The following PRDM5 variants were observed in gnomAD, a reference collection of about 807,000 sequenced individuals.
PRDM5 encodes PR domain zinc finger protein 5.
In PRDM5, 56 loss-of-function variants were observed where a neutral mutation model predicts 81.2. The observed-to-expected ratio is 0.69, with a 90% CI of 0.56 to 0.86. PRDM5 has a LOEUF of 0.86. PRDM5 is among the 40% of genes least tolerant of loss of function. PRDM5 has a pLI of 0.00. For missense variants in PRDM5, 697 were observed against 770.1 expected (o/e 0.91, Z 1.12); for synonymous variants, 267 against 256.4 (o/e 1.04, Z -0.39).
At chr4:120,720,440 G>A (rs113828660) in intron 14 of PRDM5, among the ~76,000 whole-genome samples, 8 of 152,244 alleles carry the variant, frequency 5.3e-5, no homozygotes, top group Admixed American at 3.3e-4. Flanking sequence ...AACCAAATTC[G>A]CAACAGAATC....
chr4:120,816,469 C>G lies in PRDM5; in HGVS notation c.849G>C (p.Gln283His). The change falls in exon 7 of 16, where the codon CAG (glutamine) becomes CAC (histidine). Residue 283 changes from glutamine (Q) to histidine (H), a missense_variant. Transcript: ENST00000264808. ...LKSKDALKRH[Q>H]ENVHTGDPKK... is the part of the protein sequence containing the mutation. Reference sequence around the variant, plus strand: ...ACTCCTCACCAGTGTGGACATTTTCCTGGTGTCTTTTCAGGGCATCCTTGC... The same window carrying G: ...ACTCCTCACCAGTGTGGACATTTTCGTGGTGTCTTTTCAGGGCATCCTTGC... 4 of 1,614,150 alleles carry G rather than the reference C, an allele frequency of 2.5e-6. No homozygotes were observed. Among genetic ancestry groups the G allele is most frequent in the Non-Finnish European group, 3.4e-6 (4 of 1,180,020 alleles).
intron 14 of PRDM5, among the ~76,000 whole-genome samples, chr4:120,732,565 T>C (rs1168374857): frequency 6.6e-6 from 1 of 151,662 alleles, no homozygotes; most frequent in Non-Finnish European, 1.5e-5. Context: ...ATCTCTGAGG[T>C]TGTTACCTCA....
At chr4:120,776,922 C>A (rs1748232356) in intron 13 of PRDM5, among the ~76,000 whole-genome samples, 1 of 152,110 alleles carries the variant, frequency 6.6e-6, no homozygotes, top group African/African-American at 2.4e-5. Context: ...CCATTAGAAT[C>A]ATATAGATGT....
chr4:120,712,083 T>C (rs573864149), intron 14 of PRDM5, among the ~76,000 whole-genome samples: 45 of 152,128 alleles, frequency 3.0e-4, no homozygotes, highest in Admixed American at 2.7e-3. Flanking sequence ...GTCAGCAGTT[T>C]GAGACCAGCC....
In PRDM5 at chr4:120,695,093, A is replaced by G; in HGVS notation, c.*18T>C. 1 of 1,608,216 alleles carries G rather than the reference A, an allele frequency of 6.2e-7. No individual in the cohort carries two copies. The highest frequency in any genetic ancestry group is 8.5e-7 in the Non-Finnish European group (1 of 1,174,886). ...ATTAGGAGCCCTTCTGAATAGTTTAATTCCTTTACAGCCCCTATTAGCTGT... is the reference window on the plus strand; with the variant it reads ...ATTAGGAGCCCTTCTGAATAGTTTAGTTCCTTTACAGCCCCTATTAGCTGT... On this transcript the variant is annotated 3_prime_UTR_variant, in exon 16 of 16. Transcript: ENST00000264808.
chr4:120,853,614 A>C (rs1561495477), intron 2 of PRDM5, 74 bp from the exon 3 acceptor site: 4 of 1,594,816 alleles, frequency 2.5e-6, no homozygotes, highest in Non-Finnish European at 1.7e-6. Context: ...AGGTTAGGAC[A>C]TGACGTTTTT....
At chr4:120,851,293 G>A (rs952134875) in intron 3 of PRDM5, among the ~76,000 whole-genome samples, 2 of 151,934 alleles carry the variant, frequency 1.3e-5, no homozygotes, top group African/African-American at 4.8e-5. Context: ...TTGGCTTAAG[G>A]TAAATTCATG....
At chr4:120,866,325 A>T (rs1293902912) in intron 2 of PRDM5, among the ~76,000 whole-genome samples, 1 of 152,248 alleles carries the variant, frequency 6.6e-6, no homozygotes, top group East Asian at 1.9e-4. Flanking sequence ...GTCAGATTCC[A>T]TAAGGATGAA....
At chr4:120,703,830 T>G (rs1735728086) in intron 15 of PRDM5, among the ~76,000 whole-genome samples, 1 of 152,048 alleles carries the variant, frequency 6.6e-6, no homozygotes, top group South Asian at 2.1e-4. Flanking sequence ...CTATCCTCCC[T>G]CCCAAGGGCC....
At chr4:120,757,885 CCTT>C (rs1553959876) in intron 13 of PRDM5, among the ~76,000 whole-genome samples, 37 of 151,100 alleles carry the variant, frequency 2.4e-4, no homozygotes, top group South Asian at 1.5e-3. Context: ...CTTCTCTTCT[CCTT>C]CTTCTTCTTC....
At chr4:120,827,454 A>G (rs1391135221) in intron 3 of PRDM5, among the ~76,000 whole-genome samples, 1 of 152,138 alleles carries the variant, frequency 6.6e-6, no homozygotes, top group Admixed American at 6.6e-5. Flanking sequence ...AGGCAGGGGC[A>G]CCAACAAACT....
At chr4:120,703,950 T>A (rs1735747747) in intron 15 of PRDM5, among the ~76,000 whole-genome samples, 1 of 152,060 alleles carries the variant, frequency 6.6e-6, no homozygotes, top group Non-Finnish European at 1.5e-5. Context: ...ACTGTGAAAA[T>A]GTAAGAAAGG....
At chr4:120,786,754 C>A (rs1389381724) in intron 10 of PRDM5, among the ~76,000 whole-genome samples, 1 of 152,130 alleles carries the variant, frequency 6.6e-6, no homozygotes, top group Admixed American at 6.6e-5. Flanking sequence ...AAGCAAAAAT[C>A]TTTGATGACA....
chr4:120,899,794 A>G (rs1765044068), intron 2 of PRDM5, among the ~76,000 whole-genome samples: 1 of 152,186 alleles, frequency 6.6e-6, no homozygotes, highest in Non-Finnish European at 1.5e-5. Flanking sequence ...ACTGTCCTGC[A>G]CCAGGCAGTG....
intron 3 of PRDM5, among the ~76,000 whole-genome samples, chr4:120,824,498 G>C (rs563391455): frequency 3.9e-5 from 6 of 152,216 alleles, no homozygotes; most frequent in African/African-American, 1.4e-4. Flanking sequence ...CAACATCAAG[G>C]CCTGCTCAAA....
chr4:120,789,635 G>A (rs1248300053), intron 10 of PRDM5, among the ~76,000 whole-genome samples: 1 of 152,040 alleles, frequency 6.6e-6, no homozygotes, highest in Non-Finnish European at 1.5e-5. Flanking sequence ...CCATCCCAGT[G>A]GGCCACACAA....
intron 15 of PRDM5, among the ~76,000 whole-genome samples, chr4:120,702,598 G>T (rs1292783698): frequency 6.6e-6 from 1 of 152,178 alleles, no homozygotes; most frequent in East Asian, 1.9e-4. Context: ...ATTAAAGGAA[G>T]AAATAATGGT....
At chr4:120,763,349 G>A (rs549865298) in intron 13 of PRDM5, among the ~76,000 whole-genome samples, 5 of 152,276 alleles carry the variant, frequency 3.3e-5, no homozygotes, top group African/African-American at 1.2e-4. Flanking sequence ...TGAAGCAAAA[G>A]TAAAAGATTC....
intron 14 of PRDM5, among the ~76,000 whole-genome samples, chr4:120,748,584 T>G (rs948023475): frequency 6.6e-6 from 1 of 151,158 alleles, no homozygotes; most frequent in East Asian, 2.0e-4. Flanking sequence ...AAGGTTGCAG[T>G]ACACTATGAT....
Sources: allele counts gnomAD v4.1 joint callset (sites outside exome capture counted in the v4.1 genomes callset), GRCh38; gene constraint gnomAD v4.1.1; transcripts MANE v1.5; gene names NCBI Gene and HGNC (gene_info 2026-07-23, HGNC 2026-07-21).